The following ACOT7 variants were observed in gnomAD, a reference collection of about 807,000 sequenced individuals.
ACOT7 encodes acyl-CoA thioesterase 7.
ACOT7 carries 12 observed loss-of-function variants against 40.2 expected under a neutral mutation model. The ratio of observed to expected loss-of-function variants is 0.30; its 90% CI spans 0.19 to 0.48. ACOT7 has a LOEUF of 0.48. ACOT7 is among the 20% of genes least tolerant of loss of function. The pLI is 0.99. For synonymous variants in ACOT7, 228 were observed against 219.5 expected (o/e 1.04, Z -0.34); for missense variants, 395 against 530.8 (o/e 0.74, Z 2.51).
At chr1:6,270,462 G>A (rs141597334) in intron 8 of ACOT7, among the ~76,000 whole-genome samples, 3,034 of 152,298 alleles carry the variant, frequency 0.02, 118 homozygotes, top group African/African-American at 0.068. Flanking sequence ...AGGCTCCTCC[G>A]AGCCTCTGGG....
rs1640338536 is a variant in ACOT7, at chr1:6,311,781, C to T, written c.712+6711G>A. Among the ~76,000 whole-genome samples, 1 of 152,204 alleles carries T rather than the reference C, an allele frequency of 6.6e-6. No individual in the cohort carries two copies. The highest frequency in any genetic ancestry group is 1.5e-5 in the Non-Finnish European group (1 of 68,030). ...CGAGTCCAGGAGCGCCCCTTTCTCA[C>T]AGCCGTTTCTCTTTCCCAGGGTAGG... On this transcript the variant is annotated intron_variant, in intron 6 of 8. Transcript: ENST00000361521. This position sits in a 1 kb window ranked among gnomAD's most constrained non-coding sequence, Gnocchi z 5.2.
chr1:6,280,612 T>C (rs1330413912), intron 8 of ACOT7, among the ~76,000 whole-genome samples: 1 of 152,124 alleles, frequency 6.6e-6, no homozygotes, highest in Non-Finnish European at 1.5e-5. Context: ...CTTGGTCTCA[T>C]CAGGCAGGAC....
intron 1 of ACOT7, chr1:6,360,719 C>A: frequency 6.2e-7 from 1 of 1,612,348 alleles, no homozygotes; most frequent in East Asian, 2.2e-5. Context: ...AGGAATGAGC[C>A]TGGGCCCCAA....
intron 1 of ACOT7, among the ~76,000 whole-genome samples, chr1:6,374,080 T>C (rs967303556): frequency 2.0e-5 from 3 of 152,368 alleles, no homozygotes; most frequent in African/African-American, 7.2e-5. Flanking sequence ...TTGTTTCTAC[T>C]TGAGGCACTT....
chr1:6,383,676 CAG>C (rs1642390333), intron 1 of ACOT7, among the ~76,000 whole-genome samples: 1 of 151,292 alleles, frequency 6.6e-6, no homozygotes, highest in Admixed American at 6.6e-5. Flanking sequence ...GTTGAGACTA[CAG>C]GCACACCCCA....
chr1:6,335,409 C>A (rs185226879), intron 3 of ACOT7, among the ~76,000 whole-genome samples: 1 of 151,664 alleles, frequency 6.6e-6, no homozygotes, highest in Admixed American at 6.6e-5. Context: ...AGGAGGATCG[C>A]TTGAGCCCGG....
chr1:6,354,449 G>T (rs959592039), intron 1 of ACOT7, among the ~76,000 whole-genome samples: 1 of 152,276 alleles, frequency 6.6e-6, no homozygotes, highest in Non-Finnish European at 1.5e-5. Flanking sequence ...CCCAAAAGGG[G>T]GTGAAGAAGC....
intron 1 of ACOT7, among the ~76,000 whole-genome samples, 189 bp downstream of exon 1, chr1:6,393,068 G>C (rs1285848995): frequency 6.6e-6 from 1 of 150,976 alleles, no homozygotes; most frequent in Admixed American, 6.6e-5. Context: ...GGGGCCGCCC[G>C]GCTTGTGCGG....
chr1:6,376,115 C>T lies in ACOT7; in HGVS notation c.143+17142G>A, dbSNP rs146763290. On this transcript the variant is annotated intron_variant, in intron 1 of 8. Coordinates refer to ENST00000361521, the MANE Select transcript of ACOT7 (RefSeq NM_007274.4). ...ATTAAAAGTACAAAAATTAGCCATG[C>T]GTGGTGGCAGGCGCCTTTAATCCCA... Among the ~76,000 whole-genome samples, 97 of 152,080 alleles carry T rather than the reference C, an allele frequency of 6.4e-4. No homozygotes were observed. In the East Asian group the frequency reaches 0.015, roughly 23 times the overall value.
intron 1 of ACOT7, among the ~76,000 whole-genome samples, chr1:6,380,617 C>T (rs111541136): frequency 0.13 from 18,892 of 147,790 alleles, 1,936 homozygotes; most frequent in African/African-American, 0.27. Flanking sequence ...AAGACGACCT[C>T]TCAATGGGGA....
In ACOT7 at chr1:6,285,302, G is replaced by A. The variant is rs980244939; in HGVS notation, c.830-4016C>T. Among the ~76,000 whole-genome samples, 3 of 152,218 alleles carry A rather than the reference G, an allele frequency of 2.0e-5. 1 individual carries two copies. The highest frequency in any genetic ancestry group is 4.4e-5 in the Non-Finnish European group (3 of 68,038). On this transcript the variant is annotated intron_variant, in intron 7 of 8. Transcript: ENST00000361521. ...AGCCCAGAATCAGGAGTGCCCAGGA[G>A]CATGGCCAGCAGCCCCTTCCAAGCC... is the stretch of plus-strand genomic sequence containing the variant.
intron 1 of ACOT7, chr1:6,360,572 T>C (rs779111844): frequency 6.2e-7 from 1 of 1,614,158 alleles, no homozygotes; most frequent in Non-Finnish European, 8.5e-7. Context: ...CAACTCACTG[T>C]TTGGCCTTCT....
intron 1 of ACOT7, among the ~76,000 whole-genome samples, chr1:6,381,455 G>A (rs542667074): frequency 1.3e-5 from 2 of 151,462 alleles, no homozygotes; most frequent in South Asian, 4.2e-4. Flanking sequence ...AAACATTAGG[G>A]AAATGCAAAG....
At position 6,375,868 on chromosome 1, in the gene ACOT7, G is replaced by A. The variant is rs371335482; in HGVS notation, c.143+17389C>T. Among the ~76,000 whole-genome samples the A allele has an allele frequency of 3.8e-4, 57 of 151,918 alleles. 1 individual carries two copies. In the East Asian group the frequency reaches 7.0e-3, roughly 19 times the overall value. ...CAGAAGAATGGCATGAACCCGGGAG[G>A]TGGAGCTTGCAGTGAGCCGAGATTG... On this transcript the variant is annotated intron_variant, in intron 1 of 8. Transcript: ENST00000361521.
At chr1:6,379,251 A>G (rs1436178187) in intron 1 of ACOT7, among the ~76,000 whole-genome samples, 1 of 151,792 alleles carries the variant, frequency 6.6e-6, no homozygotes, top group Non-Finnish European at 1.5e-5. Flanking sequence ...CCTCAGGTAT[A>G]AGAGTTCAAA....
In ACOT7 at chr1:6,323,737, AATATATATATAT is replaced by A. The variant is rs57302929; in HGVS notation, c.625+3550_625+3561del. On this transcript the variant is annotated intron_variant, in intron 5 of 8. Coordinates refer to ENST00000361521, the MANE Select transcript of ACOT7 (RefSeq NM_007274.4). ...GTCTCAAAAAAAAAAAAAAAAAAAA[AATATATATATAT>A]ATATATATATATATATATATAGACA... Among the ~76,000 whole-genome samples the A allele has an allele frequency of 9.7e-3, 373 of 38,392 alleles. 6 individuals are homozygous for A. The highest frequency in any genetic ancestry group is 0.024 in the African/African-American group (283 of 11,828). 25.2% of individuals were successfully genotyped at this position (38,392 alleles called of 152,430 possible). A position where few individuals can be genotyped will look rare whatever the true frequency, so the allele number is the denominator to read the frequency against.
chr1:6,290,156 G>C (rs1387821516), intron 7 of ACOT7, among the ~76,000 whole-genome samples: 1 of 152,206 alleles, frequency 6.6e-6, no homozygotes, highest in Admixed American at 6.5e-5. Flanking sequence ...AATGTGGGTG[G>C]CCTCAGACGC....
Position 6,326,389 on chromosome 1 carries a change from G to A in ACOT7, c.625+910C>T, listed in dbSNP as rs183480145. Among the ~76,000 whole-genome samples the A allele has an allele frequency of 4.6e-5, 7 of 152,302 alleles. 1 individual carries two copies. The South Asian group carries it at 8.3e-4, about 18-fold the overall frequency. On this transcript the variant is annotated intron_variant, in intron 5 of 8. Coordinates refer to ENST00000361521, the MANE Select transcript of ACOT7 (RefSeq NM_007274.4). ...CTTGCTTGAGGCAAAACATCTCATC[G>A]TGCCTTCGTTTAGATTTTGAGTGAA...
intron 1 of ACOT7, among the ~76,000 whole-genome samples, chr1:6,384,815 A>T (rs1029593290): frequency 6.6e-6 from 1 of 151,720 alleles, no homozygotes; most frequent in Non-Finnish European, 1.5e-5. Context: ...GGAGAACAAA[A>T]AATCCTCCTA....
Sources: gnomAD v4.1 joint callset for allele counts (sites outside exome capture counted in the v4.1 genomes callset) on GRCh38, gnomAD v4.1.1 for gene constraint, Gnocchi (gnomAD v3.1) non-coding constraint, MANE v1.5 for transcripts, NCBI Gene and HGNC (gene_info 2026-07-23, HGNC 2026-07-21) for gene names.